Variants in FOXK1 observed in about 807,000 individuals in gnomAD.
FOXK1 encodes the protein forkhead box K1, also known as forkhead box protein K1.
FOXK1 carries 19 observed loss-of-function variants against 51.9 expected under a neutral mutation model. The ratio of observed to expected loss-of-function variants is 0.37; its 90% CI spans 0.26 to 0.54. The LOEUF (loss-of-function observed/expected upper bound fraction) is 0.54, where lower values mean the gene tolerates loss of function less well. Among genes scored for constraint, FOXK1 ranks in the 20% least tolerant of loss-of-function variants. The pLI is 0.87. For missense variants in FOXK1, 870 were observed against 1,032.7 expected, an observed-to-expected ratio of 0.84 and a Z score of 2.16; for synonymous variants, 537 against 482.6, an observed-to-expected ratio of 1.11 and a Z score of -1.48.
intron 1 of FOXK1, among the ~76,000 whole-genome samples, chr7:4,708,376 G>C (rs1031764082): frequency 6.6e-6 from 1 of 152,146 alleles, no homozygotes. Flanking sequence ...CTTCATCCAG[G>C]GCTGCTGGTC....
chr7:4,729,108 G>A lies in FOXK1; in HGVS notation c.561-11730G>A, dbSNP rs901658554. On this transcript the variant is annotated intron_variant, in intron 1 of 8. Transcript: ENST00000328914. The surrounding 1 kb of genome is among the most constrained non-coding windows in gnomAD (Gnocchi z 6.2). Reference sequence around the variant, plus strand: ...GTTGCAGAACACTGTGTCTGTGTCCGCTGTCTTAAAGAGCCTAGTCCATCT... The same window carrying A: ...GTTGCAGAACACTGTGTCTGTGTCCACTGTCTTAAAGAGCCTAGTCCATCT... Among the ~76,000 whole-genome samples, 2 of 152,208 alleles carry A rather than the reference G, an allele frequency of 1.3e-5. No homozygotes were observed. Among genetic ancestry groups the A allele is most frequent in the South Asian group, 4.1e-4 (2 of 4,830 alleles).
intron 1 of FOXK1, among the ~76,000 whole-genome samples, chr7:4,740,103 TG>T (rs1201624550): frequency 6.6e-6 from 1 of 152,152 alleles, no homozygotes; most frequent in Admixed American, 6.5e-5. Context: ...GAGACCAGCC[TG>T]GCCAACGTGG....
At chr7:4,724,969 G>T (rs1176501996) in intron 1 of FOXK1, among the ~76,000 whole-genome samples, 1 of 152,234 alleles carries the variant, frequency 6.6e-6, no homozygotes, top group East Asian at 1.9e-4. Flanking sequence ...AAAATAGTGG[G>T]GACAGGGAGA....
In FOXK1 at chr7:4,748,252, C is replaced by T. The variant is rs117899329; in HGVS notation, c.747-6207C>T. 4.1e-3 allele frequency among the ~76,000 whole-genome samples: 617 copies of T among 152,282 alleles called. 6 individuals are homozygous for T. Among genetic ancestry groups the T allele is most frequent in the Admixed American group, 8.9e-3 (136 of 15,282 alleles). On this transcript the variant is annotated intron_variant, in intron 2 of 8. Coordinates refer to ENST00000328914, the MANE Select transcript of FOXK1 (RefSeq NM_001037165.2). The surrounding 1 kb of genome is among the most constrained non-coding windows in gnomAD (Gnocchi z 4.9). ...CTCTCTCACTTCTGTGTCTCTGAGT[C>T]GTATTCGTACGTGACTGTCTCTTGG... is the stretch of plus-strand genomic sequence containing the variant.
rs1780950238 is a variant in FOXK1, at chr7:4,762,566, G to A, written c.*102G>A. On this transcript the variant is annotated 3_prime_UTR_variant, in exon 9 of 9. Coordinates refer to ENST00000328914, the MANE Select transcript of FOXK1 (RefSeq NM_001037165.2). This position sits in a 1 kb window ranked among gnomAD's most constrained non-coding sequence, Gnocchi z 5.7. ...ACCCACAGACGGAGGAGAACAGCCC[G>A]CGGCGGCCTGTGGGCATCGGCGGCA... is the stretch of plus-strand genomic sequence containing the variant. 23 of 1,243,810 alleles carry A rather than the reference G, an allele frequency of 1.8e-5. No homozygotes were observed. Among genetic ancestry groups the A allele is most frequent in the South Asian group, 4.6e-5 (3 of 65,108 alleles). The allele number at this position is 1,243,810 out of a possible 1,614,324, so 77.0% of individuals were successfully genotyped here.
intron 1 of FOXK1, among the ~76,000 whole-genome samples, chr7:4,704,834 CT>C (rs775099211): frequency 2.7e-3 from 352 of 131,126 alleles, no homozygotes; most frequent in Non-Finnish European, 2.7e-3. Flanking sequence ...ATGTTTCATT[CT>C]TTTTTTTTTT....
At position 4,683,710 on chromosome 7, in the gene FOXK1, G is replaced by C. The variant is rs76497425; in HGVS notation, c.560+842G>C. On this transcript the variant is annotated intron_variant, in intron 1 of 8. Coordinates refer to ENST00000328914, the MANE Select transcript of FOXK1 (RefSeq NM_001037165.2). This position sits in a 1 kb window ranked among gnomAD's most constrained non-coding sequence, Gnocchi z 4.5. ...ATGCCTGCCGTCCTGGACCCCAGTG[G>C]CTACCCCTGACCCTGTCTGGTCTGG... 0.11 allele frequency among the ~76,000 whole-genome samples: 16,471 copies of C among 151,924 alleles called. 1,028 individuals are homozygous for C. Among genetic ancestry groups the C allele is most frequent in the South Asian group, 0.23 (1,107 of 4,814 alleles).
At chr7:4,750,814 C>T (rs1583209040) in intron 2 of FOXK1, among the ~76,000 whole-genome samples, 1 of 151,880 alleles carries the variant, frequency 6.6e-6, no homozygotes, top group Non-Finnish European at 1.5e-5. Flanking sequence ...AAGCAATTCT[C>T]CTTCCTCAGC....
chr7:4,706,016 ATATATACGTGTATATACGTG>A lies in FOXK1; in HGVS notation c.560+23165_560+23184del, dbSNP rs59410473. ...TACGTATATATACGTATATATACGT[ATATATACGTGTATATACGTG>A]TATATACGTGTATATATGTATATAT... On this transcript the variant is annotated intron_variant, in intron 1 of 8. Transcript: ENST00000328914. Among the ~76,000 whole-genome samples the A allele has an allele frequency of 3.5e-3, 270 of 77,238 alleles. 4 individuals are homozygous for A. The highest frequency in any genetic ancestry group is 0.022 in the African/African-American group (213 of 9,536). The allele number at this position is 77,238 out of a possible 152,430, so 50.7% of individuals were successfully genotyped here.
At chr7:4,695,745 T>C (rs1583182358) in intron 1 of FOXK1, among the ~76,000 whole-genome samples, 1 of 152,138 alleles carries the variant, frequency 6.6e-6, no homozygotes, top group Non-Finnish European at 1.5e-5. Flanking sequence ...GAGACCAGCC[T>C]GACCAACGTG....
rs1259164892 is a variant in FOXK1 at position 4,734,785 on chromosome 7, C to T, written c.561-6053C>T. Among the ~76,000 whole-genome samples the T allele has an allele frequency of 6.6e-6, 1 of 152,206 alleles. No homozygotes were observed. The highest frequency in any genetic ancestry group is 1.5e-5 in the Non-Finnish European group (1 of 68,036). On this transcript the variant is annotated intron_variant, in intron 1 of 8. Coordinates refer to ENST00000328914, the MANE Select transcript of FOXK1 (RefSeq NM_001037165.2). This position sits in a 1 kb window ranked among gnomAD's most constrained non-coding sequence, Gnocchi z 5.2. ...TTTGGCGTGAGATGTCACTGTCTGC[C>T]GCTTCTGTGTTGGGTGCCCTCGTCC...
chr7:4,750,798 G>A lies in FOXK1; in HGVS notation c.747-3661G>A, dbSNP rs558187955. Among the ~76,000 whole-genome samples, 4 of 151,172 alleles carry A rather than the reference G, an allele frequency of 2.6e-5. No homozygotes were observed. The East Asian group carries it at 5.8e-4, about 22-fold the overall frequency. ...CGGCTCACTGCAACCTCTGCCTCCC[G>A]GGTTCAAGCAATTCTCCTTCCTCAG... On this transcript the variant is annotated intron_variant, in intron 2 of 8. Coordinates refer to ENST00000328914, the MANE Select transcript of FOXK1 (RefSeq NM_001037165.2).
At position 4,753,030 on chromosome 7, in the gene FOXK1, C is replaced by T. The variant is rs1341533234; in HGVS notation, c.747-1429C>T. On this transcript the variant is annotated intron_variant, in intron 2 of 8. Transcript: ENST00000328914. This position sits in a 1 kb window ranked among gnomAD's most constrained non-coding sequence, Gnocchi z 4.9. ...CTCGATCGAGCCATTTGTGGGTGTT[C>T]ATTTAAGTTTCGACACGTGTGGAAC... Among the ~76,000 whole-genome samples the T allele has an allele frequency of 6.6e-6, 1 of 152,164 alleles. No individual in the cohort carries two copies. Among genetic ancestry groups the T allele is most frequent in the Non-Finnish European group, 1.5e-5 (1 of 68,040 alleles).
At chr7:4,721,567 C>T (rs1780310657) in intron 1 of FOXK1, among the ~76,000 whole-genome samples, 1 of 149,664 alleles carries the variant, frequency 6.7e-6, no homozygotes, top group East Asian at 2.0e-4. Context: ...AAGGACTTTT[C>T]TCTTTTCTTT....
chr7:4,763,619 GT>G lies in FOXK1; in HGVS notation c.*1159del. ...CGCCCAGCCCCCGCCAACGCGACTG[GT>G]TTTGTTTGCCACACGGTGAGAACCG... On this transcript the variant is annotated 3_prime_UTR_variant, in exon 9 of 9. Transcript: ENST00000328914. 1 of 152,500 alleles carries G rather than the reference GT, an allele frequency of 6.6e-6. No homozygotes were observed. Among genetic ancestry groups the G allele is most frequent in the Non-Finnish European group, 1.5e-5 (1 of 68,136 alleles). The allele number at this position is 152,500 out of a possible 1,614,324, so 9.4% of individuals were successfully genotyped here.
Position 4,682,526 on chromosome 7 carries a change from GCTCCTCCGGGGTATCCGGGGA to G in FOXK1, c.223_243del (p.Ser75_Ser81del), listed in dbSNP as rs1779764600. 9.0e-7 allele frequency: 1 copy of G among 1,109,108 alleles called. No homozygotes were observed. The highest frequency in any genetic ancestry group is 1.1e-6 in the Non-Finnish European group (1 of 911,986). 68.7% of individuals were successfully genotyped at this position (1,109,108 alleles called of 1,614,324 possible). On this transcript the variant is annotated inframe_deletion, in exon 1 of 9. Transcript: ENST00000328914. This position sits in a 1 kb window ranked among gnomAD's most constrained non-coding sequence, Gnocchi z 7.6. ...ATCGCGGGCGCGGGCTCCTCCGGGG[GCTCCTCCGGGGTATCCGGGGA>G]CTCCGCGGTCGCGGGCGCGGCGCCG...
intron 1 of FOXK1, among the ~76,000 whole-genome samples, chr7:4,726,590 C>G (rs1780383757): frequency 1.3e-5 from 2 of 152,042 alleles, no homozygotes. Flanking sequence ...ACATTGCACT[C>G]CAGCCTGGAC....
chr7:4,732,516 A>G (rs1780491562), intron 1 of FOXK1, among the ~76,000 whole-genome samples: 1 of 151,760 alleles, frequency 6.6e-6, no homozygotes, highest in Non-Finnish European at 1.5e-5. Context: ...CTGATCTCGA[A>G]CTCCTAGGGT....
At chr7:4,712,720 G>A (rs1203543025) in intron 1 of FOXK1, among the ~76,000 whole-genome samples, 1 of 152,128 alleles carries the variant, frequency 6.6e-6, no homozygotes, top group Non-Finnish European at 1.5e-5. Flanking sequence ...CTCATCTGTT[G>A]CCCTCTCAGA....
Sources: allele counts gnomAD v4.1 joint callset (sites outside exome capture counted in the v4.1 genomes callset), GRCh38; gene constraint gnomAD v4.1.1; non-coding constraint Gnocchi (gnomAD v3.1); transcripts MANE v1.5; gene names NCBI Gene and HGNC (gene_info 2026-07-23, HGNC 2026-07-21).